TBL3: variants seen among roughly 807,000 people sequenced by gnomAD.
TBL3 encodes transducin beta-like protein 3.
Under a neutral mutation model 102.7 loss-of-function variants are expected in TBL3, and 71 were observed. That is an observed-to-expected ratio of 0.69 (90% CI 0.57 to 0.84). TBL3 has a LOEUF of 0.84. Among genes scored for constraint, TBL3 ranks in the 40% least tolerant of loss-of-function variants. The pLI, the probability that TBL3 is intolerant of heterozygous loss-of-function variation, is 0.00. For synonymous variants in TBL3, 578 were observed against 477.7 expected, an observed-to-expected ratio of 1.21 and a Z score of -2.74; for missense variants, 1,188 against 1,098.5, an observed-to-expected ratio of 1.08 and a Z score of -1.15.
In TBL3 at chr16:1,978,329, C is replaced by T; in HGVS notation, c.2151C>T (p.Phe717=). The T allele has an allele frequency of 6.2e-7, 1 of 1,610,228 alleles. No individual in the cohort carries two copies. Among genetic ancestry groups the T allele is most frequent in the Non-Finnish European group, 8.5e-7 (1 of 1,178,278 alleles). ...RRDQKEALLR[F]CVTWNTNSRH... Reference sequence around the variant, plus strand: ...TGCCCACAGAGGCCCTGCTGCGCTTCTGCGTCACGTGGAACACCAACTCGC... The same window carrying T: ...TGCCCACAGAGGCCCTGCTGCGCTTTTGCGTCACGTGGAACACCAACTCGC... The change falls in exon 21 of 22, where the codon TTC becomes TTT. Residue 717 remains phenylalanine (F), a synonymous_variant. Transcript: ENST00000568546.
rs2083407136 is a variant in TBL3, at chr16:1,976,960, A to C, written c.1439A>C (p.Lys480Thr). ...QAQTTQRCHDKDINSVAIAPN... is the reference protein window; with the variant it reads ...QAQTTQRCHDTDINSVAIAPN... ...CAGACCACTCAGCGCTGCCATGATA[A>C]GGTGACTCCATAGCCACTGGGGTGG... The change falls in exon 14 of 22, where the codon AAG (lysine) becomes ACG (threonine). Residue 480 changes from lysine to threonine, a missense_variant and splice_region_variant. Coordinates refer to ENST00000568546, the MANE Select transcript of TBL3 (RefSeq NM_006453.3). 1.2e-6 allele frequency: 2 copies of C among 1,613,864 alleles called. No homozygotes were observed. Among genetic ancestry groups the C allele is most frequent in the Non-Finnish European group, 1.7e-6 (2 of 1,179,998 alleles).
In TBL3 at chr16:1,975,841, C is replaced by T. The variant is rs752503029; in HGVS notation, c.1021C>T (p.Arg341Trp). The T allele has an allele frequency of 1.9e-6, 3 of 1,614,062 alleles. No individual in the cohort carries two copies. Among genetic ancestry groups the T allele is most frequent in the Non-Finnish European group, 1.7e-6 (2 of 1,180,046 alleles). ...AGYSEEVLDV[R>W]FLGPEDSHVV... is the part of the protein sequence containing the mutation. ...CTACAGTGAGGAGGTTTTGGATGTC[C>T]GGTTTCTTGGGCCCGAGGACTCCCA... Residue 341 changes from arginine to tryptophan, a missense_variant, in exon 11 of 22, where the codon CGG (arginine) becomes TGG (tryptophan). Physicochemically the swap from Arg to Trp is moderately radical, Grantham distance 101 (BLOSUM62 -3). Transcript: ENST00000568546.
At position 1,979,827 on chromosome 16, in the gene TBL3, G is replaced by T; in HGVS notation, c.*1142G>T. 6.4e-7 allele frequency: 1 copy of T among 1,569,980 alleles called. No homozygotes were observed. Among genetic ancestry groups the T allele is most frequent in the East Asian group, 2.4e-5 (1 of 42,174 alleles). ...GGGACGGGCCTCCCTCCCGGCCTTGGCCCGGGGCCGCCTCCTCCAGGTAGG... is the reference window on the plus strand; with the variant it reads ...GGGACGGGCCTCCCTCCCGGCCTTGTCCCGGGGCCGCCTCCTCCAGGTAGG... On this transcript the variant is annotated 3_prime_UTR_variant, in exon 22 of 22. Coordinates refer to ENST00000568546, the MANE Select transcript of TBL3 (RefSeq NM_006453.3).
At position 1,980,179 on chromosome 16, in the gene TBL3, C is replaced by G. The variant is rs530197455; in HGVS notation, c.*1494C>G. The G allele has an allele frequency of 5.6e-6, 9 of 1,597,992 alleles. No homozygotes were observed. Among genetic ancestry groups the G allele is most frequent in the Non-Finnish European group, 7.7e-6 (9 of 1,175,260 alleles). On this transcript the variant is annotated 3_prime_UTR_variant, in exon 22 of 22. Coordinates refer to ENST00000568546, the MANE Select transcript of TBL3 (RefSeq NM_006453.3). Reference sequence around the variant, plus strand: ...CTCCTCTGGGGTGGGCAGGATCACCCGGCTGGGAAGGGCAGCCCGTACGAG... The same window carrying G: ...CTCCTCTGGGGTGGGCAGGATCACCGGGCTGGGAAGGGCAGCCCGTACGAG...
In TBL3 at chr16:1,979,099, G is replaced by T. The variant is rs768273628; in HGVS notation, c.*414G>T. 1.3e-6 allele frequency: 2 copies of T among 1,500,580 alleles called. No individual in the cohort carries two copies. The highest frequency in any genetic ancestry group is 1.8e-6 in the Non-Finnish European group (2 of 1,140,204). The allele number at this position is 1,500,580 out of a possible 1,614,324, so 93.0% of individuals were successfully genotyped here. ...GGCACAGAGTCCACGCACCCTCGAG[G>T]GCGGCCCTGGCGCCGTGGGCGCCGC... On this transcript the variant is annotated 3_prime_UTR_variant, in exon 22 of 22. Coordinates refer to ENST00000568546, the MANE Select transcript of TBL3 (RefSeq NM_006453.3).
chr16:1,976,133 T>C lies in TBL3; in HGVS notation c.1188+19T>C. 1 of 1,613,966 alleles carries C rather than the reference T, an allele frequency of 6.2e-7. No homozygotes were observed. Among genetic ancestry groups the C allele is most frequent in the Non-Finnish European group, 8.5e-7 (1 of 1,179,994 alleles). On this transcript the variant is annotated intron_variant, in intron 12 of 21. Coordinates refer to ENST00000568546, the MANE Select transcript of TBL3 (RefSeq NM_006453.3). ...TGCCAAGGTGAGGCACCCTGAGAGG[T>C]AGGGGCAGGGGCACCAGGCGGGGAG...
Position 1,974,684 on chromosome 16 carries a change from G to A in TBL3, c.379+5G>A, listed in dbSNP as rs750931509. On this transcript the variant is annotated splice_donor_5th_base_variant and intron_variant, in intron 5 of 21. Transcript: ENST00000568546. ...CCTCCACTCTGCTAGCCACAGGTAG[G>A]GCCCTGCCGTGCAGGTGGGTCGTGG... 8.1e-5 allele frequency: 130 copies of A among 1,610,478 alleles called. No homozygotes were observed. Among genetic ancestry groups the A allele is most frequent in the Middle Eastern group, 1.7e-4 (1 of 6,048 alleles).
chr16:1,980,673 A>G lies in TBL3; in HGVS notation c.*1988A>G, dbSNP rs1284102004. On this transcript the variant is annotated 3_prime_UTR_variant, in exon 22 of 22. Transcript: ENST00000568546. ...GGCCTGACCGAGAAGCTTTGGGAGA[A>G]CGCGGTCAGATCTCCGCAGCAGGCC... 19 of 1,607,008 alleles carry G rather than the reference A, an allele frequency of 1.2e-5. No individual in the cohort carries two copies. The highest frequency in any genetic ancestry group is 1.6e-5 in the Non-Finnish European group (19 of 1,177,110).
chr16:1,975,299 G>C, intron 8 of TBL3, 37 bp downstream of exon 8: 1 of 1,613,960 alleles, frequency 6.2e-7, no homozygotes, highest in Non-Finnish European at 8.5e-7. Context: ...GTTGAGTTGG[G>C]TGGGGAGGGG....
chr16:1,977,009 G>T (rs1314479847), intron 14 of TBL3, 45 bp from the exon 15 acceptor site: 2 of 1,612,346 alleles, frequency 1.2e-6, no homozygotes, highest in South Asian at 1.1e-5. Context: ...CCCTTGCTGG[G>T]GGAAGATGGG....
rs764118739 is a variant in TBL3, at chr16:1,981,100, C to T, written c.*2415C>T. On this transcript the variant is annotated 3_prime_UTR_variant, in exon 22 of 22. Transcript: ENST00000568546. The stretch of plus-strand genomic sequence containing the variant: ...CTATCCCTTGGGGCCACTAAGGACC[C>T]AGCCAGGTCTTACTTGGAGCCTCTT... The T allele has an allele frequency of 1.2e-5, 20 of 1,612,780 alleles. No homozygotes were observed. The South Asian group carries it at 2.0e-4, about 16-fold the overall frequency.
Position 1,980,352 on chromosome 16 carries a change from G to C in TBL3, c.*1667G>C, listed in dbSNP as rs1202871843. The C allele has an allele frequency of 6.3e-7, 1 of 1,595,614 alleles. No homozygotes were observed. Among genetic ancestry groups the C allele is most frequent in the African/African-American group, 1.3e-5 (1 of 74,744 alleles). On this transcript the variant is annotated 3_prime_UTR_variant, in exon 22 of 22. Transcript: ENST00000568546. Reference sequence around the variant, plus strand: ...AACGCCGCTGCATGCTGGGAGTTTGGGGCGAGTCAGGCACCTGCCGGGTGG... The same window carrying C: ...AACGCCGCTGCATGCTGGGAGTTTGCGGCGAGTCAGGCACCTGCCGGGTGG...
At position 1,979,073 on chromosome 16, in the gene TBL3, C is replaced by A; in HGVS notation, c.*388C>A. 6.5e-7 allele frequency: 1 copy of A among 1,539,068 alleles called. No individual in the cohort carries two copies. On this transcript the variant is annotated 3_prime_UTR_variant, in exon 22 of 22. Transcript: ENST00000568546. Reference sequence around the variant, plus strand: ...GCGCTCACTGCTCCGTCGTGGGGTGCGGCACAGAGTCCACGCACCCTCGAG... The same window carrying A: ...GCGCTCACTGCTCCGTCGTGGGGTGAGGCACAGAGTCCACGCACCCTCGAG...
rs201931320 is a variant in TBL3 at position 1,976,948 on chromosome 16, G to A, written c.1427G>A (p.Arg476His). The change falls in exon 14 of 22, where the codon CGC becomes CAC. Residue 476 changes from arginine (R) to histidine (H), a missense_variant. By Grantham distance (29) the Arg-to-His change is conservative. Coordinates refer to ENST00000568546, the MANE Select transcript of TBL3 (RefSeq NM_006453.3). The stretch of plus-strand genomic sequence containing the variant: ...CTCCTGCAGGCCCAGACCACTCAGC[G>A]CTGCCATGATAAGGTGACTCCATAG... Reference protein sequence around the residue: ...PILLQAQTTQRCHDKDINSVA... With the variant: ...PILLQAQTTQHCHDKDINSVA... The A allele has an allele frequency of 1.4e-5, 23 of 1,613,886 alleles. No homozygotes were observed. The highest frequency in any genetic ancestry group is 1.2e-4 in the African/African-American group (9 of 75,052).
Position 1,976,803 on chromosome 16 carries a change from T to C in TBL3, c.1293-11T>C, listed in dbSNP as rs926623067. The C allele has an allele frequency of 3.1e-6, 5 of 1,612,818 alleles. No homozygotes were observed. Among genetic ancestry groups the C allele is most frequent in the Non-Finnish European group, 2.5e-6 (3 of 1,179,918 alleles). On this transcript the variant is annotated splice_polypyrimidine_tract_variant and intron_variant, in intron 13 of 21. Coordinates refer to ENST00000568546, the MANE Select transcript of TBL3 (RefSeq NM_006453.3). ...CTCAGCTGTGTCTCCTCCTCTCCTG[T>C]TGGGTCACAGGCTGAAGGAGTCCTT...
rs144718061 is a variant in TBL3, at chr16:1,977,065, C to T, written c.1452C>T (p.Ser484=). The part of the protein sequence containing the change: ...TQRCHDKDIN[S]VAIAPNDKLL... Reference sequence around the variant, plus strand: ...TCTCCCATTGCCAGGACATCAACAGCGTGGCTATTGCCCCCAACGACAAGC... The same window carrying T: ...TCTCCCATTGCCAGGACATCAACAGTGTGGCTATTGCCCCCAACGACAAGC... Residue 484 remains serine (S), a synonymous_variant, in exon 15 of 22, where the codon AGC becomes AGT. Transcript: ENST00000568546. The T allele has an allele frequency of 1.8e-4, 287 of 1,613,130 alleles. No individual in the cohort carries two copies. The highest frequency in any genetic ancestry group is 2.3e-4 in the Non-Finnish European group (274 of 1,179,952).
Position 1,981,305 on chromosome 16 carries a change from G to A in TBL3, c.*2620G>A. 1 of 1,474,752 alleles carries A rather than the reference G, an allele frequency of 6.8e-7. No homozygotes were observed. The highest frequency in any genetic ancestry group is 9.0e-7 in the Non-Finnish European group (1 of 1,114,786). 91.4% of individuals were successfully genotyped at this position (1,474,752 alleles called of 1,614,324 possible). A position where few individuals can be genotyped will look rare whatever the true frequency, so the allele number is the denominator to read the frequency against. ...AGAATCCTGGCAACACCTCAAGCCT[G>A]TGGGGTCCTTGTGGAGCCGCCCCAG... On this transcript the variant is annotated 3_prime_UTR_variant, in exon 22 of 22. Transcript: ENST00000568546.
chr16:1,981,523 T>A lies in TBL3; in HGVS notation c.*2838T>A. On this transcript the variant is annotated 3_prime_UTR_variant, in exon 22 of 22. Transcript: ENST00000568546. The stretch of plus-strand genomic sequence containing the variant: ...GCTGCCTGGGGCCCTCCTGCCTGCC[T>A]CTGGCCACAGGAGGAGGGAGGAGAA... 2.8e-6 allele frequency: 1 copy of A among 356,610 alleles called. No homozygotes were observed. Among genetic ancestry groups the A allele is most frequent in the Non-Finnish European group, 5.2e-6 (1 of 192,688 alleles). The allele number at this position is 356,610 out of a possible 1,614,324, so 22.1% of individuals were successfully genotyped here.
Position 1,979,514 on chromosome 16 carries a change from G to C in TBL3, c.*829G>C. On this transcript the variant is annotated 3_prime_UTR_variant, in exon 22 of 22. Transcript: ENST00000568546. ...ACAGCTCATCTGCGCGGCTGCTCTC[G>C]TAGGCGCGGGAAGCACAGAACTGGG... The C allele has an allele frequency of 1.9e-6, 3 of 1,611,510 alleles. No individual in the cohort carries two copies. Among genetic ancestry groups the C allele is most frequent in the Non-Finnish European group, 2.5e-6 (3 of 1,179,164 alleles).
Sources: gnomAD v4.1 joint callset for allele counts on GRCh38, gnomAD v4.1.1 for gene constraint, MANE v1.5 for transcripts, NCBI Gene and HGNC (gene_info 2026-07-23, HGNC 2026-07-21) for gene names.